Variants in ZNRF3 observed in about 807,000 individuals in gnomAD.
ZNRF3 encodes the protein zinc and ring finger 3, also known as E3 ubiquitin-protein ligase ZNRF3.
Under a neutral mutation model 72.5 loss-of-function variants are expected in ZNRF3, and 23 were observed. That is an observed-to-expected ratio of 0.32 (90% CI 0.23 to 0.45). The LOEUF (loss-of-function observed/expected upper bound fraction) is 0.45. Ranked by LOEUF, ZNRF3 falls within the 20% of genes least tolerant of loss-of-function variation. The pLI is 1.00. For synonymous variants in ZNRF3, 610 were observed against 545.3 expected, an observed-to-expected ratio of 1.12 and a Z score of -1.65; for missense variants, 1,169 against 1,272.1, an observed-to-expected ratio of 0.92 and a Z score of 1.23.
At chr22:29,044,595 AGGCACTACATG>A (rs1380235558) in intron 4 of ZNRF3, among the ~76,000 whole-genome samples, 174 bp from the exon 5 acceptor site, 1 of 152,238 alleles carries the variant, frequency 6.6e-6, no homozygotes, top group Non-Finnish European at 1.5e-5. Flanking sequence ...GCCACACCAA[AGGCACTACATG>A]GGCCTAGGGA....
At chr22:28,940,725 G>T (rs565483640) in intron 1 of ZNRF3, among the ~76,000 whole-genome samples, 10 of 152,190 alleles carry the variant, frequency 6.6e-5, no homozygotes, top group African/African-American at 2.2e-4. Flanking sequence ...TTGGATAGGG[G>T]GTTGGGTTGG....
At chr22:29,019,454 G>C (rs2123858602) in intron 2 of ZNRF3, among the ~76,000 whole-genome samples, 2 of 152,232 alleles carry the variant, frequency 1.3e-5, no homozygotes, top group East Asian at 3.9e-4. Context: ...ATTTAATTGT[G>C]ATTATTTTAA....
chr22:29,051,799 G>A (rs542959859), intron 8 of ZNRF3, among the ~76,000 whole-genome samples: 6 of 151,286 alleles, frequency 4.0e-5, no homozygotes, highest in Admixed American at 2.6e-4. Flanking sequence ...TAGCTACTCC[G>A]GAGGCTGAGG....
intron 1 of ZNRF3, among the ~76,000 whole-genome samples, chr22:28,969,369 T>G (rs2035530603): frequency 6.6e-6 from 1 of 152,260 alleles, no homozygotes; most frequent in African/African-American, 2.4e-5. Context: ...TTCATTTTCT[T>G]TTTGTATTTG....
At chr22:28,944,962 T>TAAATAAA (rs1555971928) in intron 1 of ZNRF3, among the ~76,000 whole-genome samples, 5 of 140,536 alleles carry the variant, frequency 3.6e-5, no homozygotes, top group East Asian at 2.1e-4. Flanking sequence ...AATAAATAAA[T>TAAATAAA]AATAATAATA....
rs899586321 is a variant in ZNRF3 at position 28,967,881 on chromosome 22, G to A, written c.301-19195G>A. 2.5e-4 allele frequency among the ~76,000 whole-genome samples: 36 copies of A among 145,722 alleles called. 1 individual carries two copies. The highest frequency in any genetic ancestry group is 6.6e-4 in the African/African-American group (26 of 39,186). ...GTTGAGGCTACAGTGAGCTGAGGTC[G>A]CACCACTACACTCCAGCCTAGGTGA... On this transcript the variant is annotated intron_variant, in intron 1 of 8. Transcript: ENST00000544604.
intron 1 of ZNRF3, among the ~76,000 whole-genome samples, chr22:28,986,234 G>T (rs1306008088): frequency 6.6e-6 from 1 of 152,220 alleles, no homozygotes; most frequent in Non-Finnish European, 1.5e-5. Context: ...TAGGTCTCTT[G>T]TGTTTCTAAC....
intron 2 of ZNRF3, among the ~76,000 whole-genome samples, chr22:28,994,262 C>T (rs543337342): frequency 5.4e-4 from 73 of 136,420 alleles, no homozygotes; most frequent in African/African-American, 2.0e-3. Context: ...TCTTGGCTCA[C>T]TGCAACCTCC....
chr22:28,938,074 A>G (rs2034874307), intron 1 of ZNRF3, among the ~76,000 whole-genome samples: 1 of 152,140 alleles, frequency 6.6e-6, no homozygotes, highest in Non-Finnish European at 1.5e-5. Flanking sequence ...ACATGAATGT[A>G]TTTTCATAGG....
chr22:28,901,178 A>G (rs1476918644), intron 1 of ZNRF3, among the ~76,000 whole-genome samples: 1 of 152,198 alleles, frequency 6.6e-6, no homozygotes, highest in East Asian at 1.9e-4. Flanking sequence ...TTCAACTCAA[A>G]GAGCCTCTTT....
At position 29,054,157 on chromosome 22, in the gene ZNRF3, G is replaced by C. The variant is rs2037258594; in HGVS notation, c.*535G>C. 6.6e-6 allele frequency: 1 copy of C among 152,480 alleles called. No homozygotes were observed. The highest frequency in any genetic ancestry group is 1.5e-5 in the Non-Finnish European group (1 of 68,306). The allele number at this position is 152,480 out of a possible 1,614,324, so 9.4% of individuals were successfully genotyped here. On this transcript the variant is annotated 3_prime_UTR_variant, in exon 9 of 9. Transcript: ENST00000544604. Reference sequence around the variant, plus strand: ...AACTTGAAGTAAAGCTAGTTGATAGGGGTACAGGCTCTGAGGAGCAGTGCA... The same window carrying C: ...AACTTGAAGTAAAGCTAGTTGATAGCGGTACAGGCTCTGAGGAGCAGTGCA...
intron 2 of ZNRF3, among the ~76,000 whole-genome samples, chr22:28,991,924 C>T (rs1010840147): frequency 6.6e-6 from 1 of 151,934 alleles, no homozygotes; most frequent in African/African-American, 2.4e-5. Flanking sequence ...AGGAGAGCTG[C>T]TTGAGGCCAG....
intron 5 of ZNRF3, among the ~76,000 whole-genome samples, chr22:29,045,929 G>A (rs993888703): frequency 2.0e-5 from 3 of 152,140 alleles, no homozygotes; most frequent in South Asian, 2.1e-4. Flanking sequence ...ATCAAGTGGC[G>A]CCCTAGAGCC....
At chr22:29,002,934 T>C in intron 2 of ZNRF3, among the ~76,000 whole-genome samples, 1 of 152,190 alleles carries the variant, frequency 6.6e-6, no homozygotes, top group East Asian at 1.9e-4. Flanking sequence ...CCATTTCCCA[T>C]GTTCTTTTTC....
chr22:28,902,477 C>T (rs143057991), intron 1 of ZNRF3, among the ~76,000 whole-genome samples: 23 of 151,916 alleles, frequency 1.5e-4, no homozygotes, highest in East Asian at 1.4e-3. Context: ...CCCTGTCCTG[C>T]GCTCAAATGA....
intron 2 of ZNRF3, among the ~76,000 whole-genome samples, chr22:29,017,780 T>C (rs773597242): frequency 2.0e-5 from 3 of 152,104 alleles, no homozygotes; most frequent in Non-Finnish European, 2.9e-5. Context: ...ACAGAAAGCT[T>C]ATATCCGTCA....
intron 1 of ZNRF3, among the ~76,000 whole-genome samples, chr22:28,904,324 A>G (rs1471561644): frequency 1.3e-5 from 2 of 152,192 alleles, no homozygotes; most frequent in Non-Finnish European, 2.9e-5. Context: ...AGCTCGAACA[A>G]TCTTGAAAGA....
Position 29,049,464 on chromosome 22 carries a change from T to C in ZNRF3, c.1283T>C (p.Leu428Pro). ...SYPPLHLDHSLAAHRCGLEHR... is the reference protein window; with the variant it reads ...SYPPLHLDHSPAAHRCGLEHR... ...CCACCCCTCCACCTGGACCACAGCC[T>C]GGCCGCTCACCGCTGCGGCCTGGAG... The change falls in exon 8 of 9, where the codon CTG (leucine) becomes CCG (proline). Residue 428 changes from leucine to proline, a missense_variant. By Grantham distance (98) the Leu-to-Pro change is moderately conservative. Coordinates refer to ENST00000544604, the MANE Select transcript of ZNRF3 (RefSeq NM_001206998.2). This position sits in a 1 kb window ranked among gnomAD's most constrained non-coding sequence, Gnocchi z 5.2. 6.2e-7 allele frequency: 1 copy of C among 1,604,882 alleles called. No individual in the cohort carries two copies. The highest frequency in any genetic ancestry group is 8.5e-7 in the Non-Finnish European group (1 of 1,179,598).
intron 1 of ZNRF3, among the ~76,000 whole-genome samples, chr22:28,946,486 C>T (rs2035054346): frequency 6.6e-6 from 1 of 152,186 alleles, no homozygotes; most frequent in Non-Finnish European, 1.5e-5. Context: ...TGCCTGACTT[C>T]AAAATGACTT....
Sources: gnomAD v4.1 joint callset for allele counts (sites outside exome capture counted in the v4.1 genomes callset) on GRCh38, gnomAD v4.1.1 for gene constraint, Gnocchi (gnomAD v3.1) non-coding constraint, MANE v1.5 for transcripts, NCBI Gene and HGNC (gene_info 2026-07-23, HGNC 2026-07-21) for gene names.